Variants in TRPC4 observed in about 807,000 individuals in gnomAD.
TRPC4 encodes the protein short transient receptor potential channel 4.
A neutral mutation model predicts 99.4 loss-of-function variants in TRPC4; 49 were observed. The observed-to-expected ratio is 0.49, with a 90% confidence interval of 0.39 to 0.63. The LOEUF is 0.63. TRPC4 is among the 20% of genes least tolerant of loss of function. The pLI is 0.00. For synonymous variants in TRPC4, 454 were observed against 425.9 expected (o/e 1.07, Z -0.81); for missense variants, 898 against 1,152.9 (o/e 0.78, Z 3.20).
chr13:37,719,762 G>A (rs763234760), intron 3 of TRPC4, among the ~76,000 whole-genome samples: 2 of 151,738 alleles, frequency 1.3e-5, no homozygotes, highest in Non-Finnish European at 2.9e-5. Flanking sequence ...TGAGGGTATT[G>A]TGGCAGACAG....
intron 3 of TRPC4, among the ~76,000 whole-genome samples, chr13:37,743,507 T>G (rs1312630107): frequency 6.6e-6 from 1 of 152,098 alleles, no homozygotes; most frequent in Non-Finnish European, 1.5e-5. Context: ...GAAGAACATT[T>G]TTAGTGGTTC....
rs753808933 is a variant in TRPC4, at chr13:37,692,233, A to C, written c.1000T>G (p.Phe334Val). The part of the protein sequence containing the change: ...RHWAVKMVTC[F>V]IIGLLFPVFS... ...ACAGGAAAAAGAAGTCCTATTATGA[A>C]ACATGTCACCATCTTCACTGCCCAG... The change falls in exon 4 of 11, where the codon TTC (phenylalanine) becomes GTC (valine). Residue 334 changes from phenylalanine to valine, a missense_variant. Physicochemically the swap from Phe to Val is conservative, Grantham distance 50. Coordinates refer to ENST00000379705, the MANE Select transcript of TRPC4 (RefSeq NM_016179.4). 1.9e-6 allele frequency: 3 copies of C among 1,614,156 alleles called. No individual in the cohort carries two copies. Among genetic ancestry groups the C allele is most frequent in the African/African-American group, 2.7e-5 (2 of 75,032 alleles).
At chr13:37,844,174 G>A (rs1958818840) in intron 1 of TRPC4, among the ~76,000 whole-genome samples, 1 of 152,184 alleles carries the variant, frequency 6.6e-6, no homozygotes, top group African/African-American at 2.4e-5. Context: ...AGCTAATAGT[G>A]ACCAGCTTGC....
At chr13:37,652,140 T>C (rs1237224959) in intron 7 of TRPC4, among the ~76,000 whole-genome samples, 1 of 152,220 alleles carries the variant, frequency 6.6e-6, no homozygotes, top group African/African-American at 2.4e-5. Context: ...ATTAACCTCC[T>C]GAGGAAACTT....
intron 2 of TRPC4, among the ~76,000 whole-genome samples, chr13:37,772,948 T>G (rs1368165317): frequency 6.6e-6 from 1 of 151,768 alleles, no homozygotes; most frequent in Non-Finnish European, 1.5e-5. Context: ...CAGAAATTTC[T>G]CAATGTGCCA....
At chr13:37,829,155 A>C (rs1345850397) in intron 1 of TRPC4, among the ~76,000 whole-genome samples, 1 of 152,200 alleles carries the variant, frequency 6.6e-6, no homozygotes, top group African/African-American at 2.4e-5. Context: ...TTAAAAGGAC[A>C]CTATCAAGAA....
At chr13:37,705,290 G>C (rs559327504) in intron 3 of TRPC4, among the ~76,000 whole-genome samples, 5 of 152,122 alleles carry the variant, frequency 3.3e-5, no homozygotes, top group Admixed American at 1.3e-4. Flanking sequence ...ATTACCAGGG[G>C]CCGGATGGTG....
At chr13:37,786,110 T>C (rs972042753) in intron 1 of TRPC4, among the ~76,000 whole-genome samples, 2 of 152,092 alleles carry the variant, frequency 1.3e-5, no homozygotes, top group African/African-American at 4.8e-5. Context: ...GCATTGGTGC[T>C]GAGAAAGATC....
At chr13:37,656,578 A>G (rs1424657955) in intron 6 of TRPC4, among the ~76,000 whole-genome samples, 2 of 152,182 alleles carry the variant, frequency 1.3e-5, no homozygotes, top group Non-Finnish European at 1.5e-5. Flanking sequence ...AATTCATATA[A>G]GGCCAGTGGC....
chr13:37,696,943 A>C (rs915345178), intron 3 of TRPC4, among the ~76,000 whole-genome samples: 1 of 101,932 alleles, frequency 9.8e-6, no homozygotes, highest in Non-Finnish European at 2.1e-5. Flanking sequence ...TAAATCTTTT[A>C]TTTCATCTCC....
Position 37,635,181 on chromosome 13 carries a change from C to T in TRPC4, c.*1722G>A, listed in dbSNP as rs1274186858. Reference sequence around the variant, plus strand: ...ACTCATTCTCTCTCAAGGTATAGGACTTCAGAAGTGGCAATTGTAACCCCT... The same window carrying T: ...ACTCATTCTCTCTCAAGGTATAGGATTTCAGAAGTGGCAATTGTAACCCCT... On this transcript the variant is annotated 3_prime_UTR_variant, in exon 11 of 11. Transcript: ENST00000379705. 1.4e-4 allele frequency among the ~76,000 whole-genome samples: 21 copies of T among 152,098 alleles called. No individual in the cohort carries two copies. The highest frequency in any genetic ancestry group is 4.6e-4 in the African/African-American group (19 of 41,424).
At chr13:37,864,762 T>G (rs1959627412) in intron 1 of TRPC4, among the ~76,000 whole-genome samples, 1 of 151,644 alleles carries the variant, frequency 6.6e-6, no homozygotes, top group South Asian at 2.1e-4. Context: ...GAAGGAAACT[T>G]TCAAGGATAC....
intron 1 of TRPC4, among the ~76,000 whole-genome samples, chr13:37,826,447 G>A (rs1958213673): frequency 1.5e-5 from 2 of 137,558 alleles, no homozygotes; most frequent in South Asian, 5.3e-4. Flanking sequence ...CTTCCTTCAG[G>A]AGCTCTTTTA....
intron 1 of TRPC4, among the ~76,000 whole-genome samples, chr13:37,805,661 G>A (rs1294459902): frequency 1.3e-5 from 2 of 151,884 alleles, no homozygotes; most frequent in Non-Finnish European, 2.9e-5. Flanking sequence ...TGTCTTGGAT[G>A]TAAACTACTC....
chr13:37,843,775 C>A (rs1236826539), intron 1 of TRPC4, among the ~76,000 whole-genome samples: 1 of 152,086 alleles, frequency 6.6e-6, no homozygotes, highest in African/African-American at 2.4e-5. Flanking sequence ...TCTCCAGCTT[C>A]ACTCTCTCCT....
Position 37,800,636 on chromosome 13 carries a change from G to A in TRPC4, c.-27-17276C>T, listed in dbSNP as rs1390879319. Among the ~76,000 whole-genome samples, 4 of 152,024 alleles carry A rather than the reference G, an allele frequency of 2.6e-5. No homozygotes were observed. The East Asian group carries it at 7.7e-4, about 29-fold the overall frequency. On this transcript the variant is annotated intron_variant, in intron 1 of 10. Transcript: ENST00000379705. ...CTCCAAATGTAATATATAGGTATATGTAGATAGCTGTATGAGCTACTAAAG... is the reference window on the plus strand; with the variant it reads ...CTCCAAATGTAATATATAGGTATATATAGATAGCTGTATGAGCTACTAAAG...
chr13:37,786,227 T>C (rs1270053748), intron 1 of TRPC4, among the ~76,000 whole-genome samples: 5 of 150,958 alleles, frequency 3.3e-5, no homozygotes, highest in African/African-American at 1.2e-4. Flanking sequence ...AAAATGTAAA[T>C]AGATTTAATA....
intron 1 of TRPC4, among the ~76,000 whole-genome samples, chr13:37,796,661 G>A (rs994339052): frequency 3.9e-5 from 6 of 151,992 alleles, no homozygotes; most frequent in Admixed American, 2.0e-4. Flanking sequence ...AAGCTTGTTT[G>A]AAAATTGAAT....
chr13:37,818,991 T>A lies in TRPC4; in HGVS notation c.-27-35631A>T, dbSNP rs186151392. 3.8e-4 allele frequency among the ~76,000 whole-genome samples: 57 copies of A among 151,030 alleles called. 1 individual carries two copies. The highest frequency in any genetic ancestry group is 1.0e-3 in the South Asian group (5 of 4,784). On this transcript the variant is annotated intron_variant, in intron 1 of 10. Coordinates refer to ENST00000379705, the MANE Select transcript of TRPC4 (RefSeq NM_016179.4). ...TGGCCAACAAGCATATGAAAAAAAA[T>A]TTTTAAAAACCATTAATAATAGGAA...
Sources: allele counts gnomAD v4.1 joint callset (sites outside exome capture counted in the v4.1 genomes callset), GRCh38; gene constraint gnomAD v4.1.1; transcripts MANE v1.5; gene names NCBI Gene and HGNC (gene_info 2026-07-23, HGNC 2026-07-21).